ABLIM2: variants seen among roughly 807,000 people sequenced by gnomAD.
ABLIM2 encodes the protein actin binding LIM protein family member 2.
In ABLIM2, 53 loss-of-function variants were observed where a neutral mutation model predicts 97.7. The ratio of observed to expected loss-of-function variants is 0.54; its 90% confidence interval spans 0.44 to 0.68. The LOEUF (loss-of-function observed/expected upper bound fraction) is 0.68. Among genes scored for constraint, ABLIM2 ranks in the 30% least tolerant of loss-of-function variants. ABLIM2 has a pLI of 0.00. For missense variants in ABLIM2, 835 were observed against 867.2 expected (o/e 0.96, Z 0.47); for synonymous variants, 361 against 345.8 (o/e 1.04, Z -0.49).
At chr4:8,093,313 T>C (rs1358791274) in intron 3 of ABLIM2, among the ~76,000 whole-genome samples, 4 of 152,260 alleles carry the variant, frequency 2.6e-5, no homozygotes, top group African/African-American at 9.6e-5. Flanking sequence ...TGCCAGCTGA[T>C]GGCTTGCTTT....
chr4:8,107,967 C>T (rs765029974), intron 1 of ABLIM2, among the ~76,000 whole-genome samples: 2 of 152,158 alleles, frequency 1.3e-5, no homozygotes, highest in Non-Finnish European at 2.9e-5. Context: ...AATGTGGGAG[C>T]CTTGGGAACT....
At position 8,001,803 on chromosome 4, in the gene ABLIM2, C is replaced by A. The variant is rs1274729025; in HGVS notation, c.1618+6256G>T. Among the ~76,000 whole-genome samples, 1 of 152,154 alleles carries A rather than the reference C, an allele frequency of 6.6e-6. No homozygotes were observed. Among genetic ancestry groups the A allele is most frequent in the Non-Finnish European group, 1.5e-5 (1 of 68,020 alleles). On this transcript the variant is annotated intron_variant, in intron 16 of 20. Transcript: ENST00000447017. The surrounding 1 kb of genome is among the most constrained non-coding windows in gnomAD (Gnocchi z 4.2). ...TGCTGGCTGCCCCCTTCCCCACTTC[C>A]CTGGCCCACTTCCTCTCCTGGCTTT...
chr4:8,080,574 G>C (rs1174045995), intron 5 of ABLIM2, 102 bp downstream of exon 5: 21 of 1,312,566 alleles, frequency 1.6e-5, no homozygotes, highest in Non-Finnish European at 2.0e-5. Context: ...GAATAGGAGA[G>C]ACACAGAGAG....
chr4:8,106,472 C>T (rs772016291), intron 2 of ABLIM2, 22 bp downstream of exon 2: 53 of 1,581,198 alleles, frequency 3.4e-5, no homozygotes, highest in Non-Finnish European at 4.3e-5. Context: ...GGCCACACTG[C>T]AGGGGACCGG....
intron 2 of ABLIM2, among the ~76,000 whole-genome samples, chr4:8,099,981 C>G (rs1413668836): frequency 6.6e-6 from 1 of 152,170 alleles, no homozygotes; most frequent in African/African-American, 2.4e-5. Flanking sequence ...TGCAATTTAT[C>G]AAACTAGCAC....
At position 7,992,355 on chromosome 4, in the gene ABLIM2, G is replaced by T. The variant is rs1462599135; in HGVS notation, c.1680+511C>A. Reference sequence around the variant, plus strand: ...GGGCAGCCAAAGAGCCTGACTTCAAGTTAATCCAATCTCCGTGCAGCCTCA... The same window carrying T: ...GGGCAGCCAAAGAGCCTGACTTCAATTTAATCCAATCTCCGTGCAGCCTCA... On this transcript the variant is annotated intron_variant, in intron 17 of 20. Coordinates refer to ENST00000447017, the MANE Select transcript of ABLIM2 (RefSeq NM_001130083.2). This position sits in a 1 kb window ranked among gnomAD's most constrained non-coding sequence, Gnocchi z 5.7. Among the ~76,000 whole-genome samples the T allele has an allele frequency of 6.6e-6, 1 of 152,168 alleles. No homozygotes were observed. The highest frequency in any genetic ancestry group is 1.5e-5 in the Non-Finnish European group (1 of 68,026).
rs1782451397 is a variant in ABLIM2 at position 8,033,713 on chromosome 4, G to T, written c.1047+2436C>A. On this transcript the variant is annotated intron_variant, in intron 10 of 20. Transcript: ENST00000447017. This position sits in a 1 kb window ranked among gnomAD's most constrained non-coding sequence, Gnocchi z 4.5. ...TCTCTGCCCTCTGGGGACAGGTCCT[G>T]GGGTCAGGATCATCCATGGTTCACA... 6.6e-6 allele frequency among the ~76,000 whole-genome samples: 1 copy of T among 152,228 alleles called. No homozygotes were observed. The highest frequency in any genetic ancestry group is 2.1e-4 in the South Asian group (1 of 4,826).
Position 8,022,073 on chromosome 4 carries a change from G to A in ABLIM2, c.1268-1770C>T, listed in dbSNP as rs1052721776. Among the ~76,000 whole-genome samples the A allele has an allele frequency of 2.0e-5, 3 of 152,168 alleles. No homozygotes were observed. Among genetic ancestry groups the A allele is most frequent in the Admixed American group, 6.5e-5 (1 of 15,278 alleles). ...AAGGACACCGCGGATCCCTCCTACC[G>A]ACTACGGCTGTGCTGGACCCATCCC... On this transcript the variant is annotated intron_variant, in intron 12 of 20. Coordinates refer to ENST00000447017, the MANE Select transcript of ABLIM2 (RefSeq NM_001130083.2). The surrounding 1 kb of genome is among the most constrained non-coding windows in gnomAD (Gnocchi z 7.8).
rs1015239064 is a variant in ABLIM2, at chr4:7,970,530, G to T, written c.1825-3427C>A. Among the ~76,000 whole-genome samples the T allele has an allele frequency of 5.3e-5, 8 of 151,934 alleles. No individual in the cohort carries two copies. Among genetic ancestry groups the T allele is most frequent in the African/African-American group, 1.9e-4 (8 of 41,484 alleles). On this transcript the variant is annotated intron_variant, in intron 20 of 20. Coordinates refer to ENST00000447017, the MANE Select transcript of ABLIM2 (RefSeq NM_001130083.2). This position sits in a 1 kb window ranked among gnomAD's most constrained non-coding sequence, Gnocchi z 5.3. ...CCCCGCATGCTGGGGAAGGAGAGAA[G>T]GGCAGGCTTGAGGATGACACCATGT...
At chr4:8,107,821 G>A (rs559916421) in intron 1 of ABLIM2, among the ~76,000 whole-genome samples, 1 of 152,290 alleles carries the variant, frequency 6.6e-6, no homozygotes, top group African/African-American at 2.4e-5. Flanking sequence ...GTCTAGCTGA[G>A]CCCAACATCA....
rs536121130 is a variant in ABLIM2, at chr4:8,084,053, C to T, written c.455-3251G>A. On this transcript the variant is annotated intron_variant, in intron 4 of 20. Transcript: ENST00000447017. ...GGGGGTCAGGGGAGTAGGGGGGAGT[C>T]TCAGATTCTAGATCAAATCTGAGAC... is the stretch of plus-strand genomic sequence containing the variant. Among the ~76,000 whole-genome samples the T allele has an allele frequency of 3.9e-3, 587 of 152,164 alleles. 2 individuals carry two copies. The highest frequency in any genetic ancestry group is 6.1e-3 in the Non-Finnish European group (418 of 68,002).
In ABLIM2 at chr4:8,004,241, G is replaced by C. The variant is rs1251888277; in HGVS notation, c.1618+3818C>G. ...TCCCACCAGACATGGGACTCCGCCCGGTCCCACAGCGAGAGGACACACAGA... is the reference window on the plus strand; with the variant it reads ...TCCCACCAGACATGGGACTCCGCCCCGTCCCACAGCGAGAGGACACACAGA... On this transcript the variant is annotated intron_variant, in intron 16 of 20. Transcript: ENST00000447017. The surrounding 1 kb of genome is among the most constrained non-coding windows in gnomAD (Gnocchi z 5.9). Among the ~76,000 whole-genome samples the C allele has an allele frequency of 6.6e-6, 1 of 151,866 alleles. No individual in the cohort carries two copies. Among genetic ancestry groups the C allele is most frequent in the Non-Finnish European group, 1.5e-5 (1 of 68,002 alleles).
chr4:7,995,657 G>A (rs1283419897), intron 16 of ABLIM2, among the ~76,000 whole-genome samples: 1 of 152,200 alleles, frequency 6.6e-6, no homozygotes, highest in African/African-American at 2.4e-5. Flanking sequence ...GGTTCCACAT[G>A]GGGGTCAGGA....
intron 20 of ABLIM2, among the ~76,000 whole-genome samples, chr4:7,976,618 T>C (rs1203089507): frequency 6.6e-6 from 1 of 152,122 alleles, no homozygotes; most frequent in Admixed American, 6.5e-5. Flanking sequence ...GGTACTTTGT[T>C]GTTCCTGGAA....
intron 3 of ABLIM2, among the ~76,000 whole-genome samples, chr4:8,090,698 G>C (rs1415041223): frequency 6.6e-6 from 1 of 152,074 alleles, no homozygotes; most frequent in Non-Finnish European, 1.5e-5. Context: ...CCGTGCATTA[G>C]ATTTGTCTTT....
chr4:8,037,187 G>T lies in ABLIM2; in HGVS notation c.901-892C>A, dbSNP rs996502337. On this transcript the variant is annotated intron_variant, in intron 9 of 20. Coordinates refer to ENST00000447017, the MANE Select transcript of ABLIM2 (RefSeq NM_001130083.2). Reference sequence around the variant, plus strand: ...GTTTGCTATTTTTATTGTTTTTTAAGAATATTTTCAATCTGAGGTTGGTTG... The same window carrying T: ...GTTTGCTATTTTTATTGTTTTTTAATAATATTTTCAATCTGAGGTTGGTTG... Among the ~76,000 whole-genome samples, 3 of 151,968 alleles carry T rather than the reference G, an allele frequency of 2.0e-5. No homozygotes were observed. The East Asian group carries it at 5.8e-4, about 29-fold the overall frequency.
rs1755415340 is a variant in ABLIM2 at position 7,999,154 on chromosome 4, G to T, written c.1619-6227C>A. ...GATCTTGGCTCACTGCAACCTCCTGGGTTCAAGCGATTCTCCTGCCTCAGC... is the reference window on the plus strand; with the variant it reads ...GATCTTGGCTCACTGCAACCTCCTGTGTTCAAGCGATTCTCCTGCCTCAGC... On this transcript the variant is annotated intron_variant, in intron 16 of 20. Coordinates refer to ENST00000447017, the MANE Select transcript of ABLIM2 (RefSeq NM_001130083.2). The surrounding 1 kb of genome is among the most constrained non-coding windows in gnomAD (Gnocchi z 4.4). Among the ~76,000 whole-genome samples the T allele has an allele frequency of 6.6e-6, 1 of 152,118 alleles. No individual in the cohort carries two copies. The highest frequency in any genetic ancestry group is 1.5e-5 in the Non-Finnish European group (1 of 68,002).
intron 16 of ABLIM2, 146 bp downstream of exon 16, chr4:8,007,913 G>C: frequency 6.8e-7 from 1 of 1,464,930 alleles, no homozygotes; most frequent in East Asian, 2.3e-5. Flanking sequence ...ATTTCCTTCC[G>C]GTCGGTCCTT....
At chr4:8,052,569 C>T (rs568534102) in intron 8 of ABLIM2, among the ~76,000 whole-genome samples, 4 of 152,238 alleles carry the variant, frequency 2.6e-5, no homozygotes, top group Admixed American at 6.5e-5. Flanking sequence ...GACCCCCTCC[C>T]CTGCCAAAAG....
Sources: allele counts gnomAD v4.1 joint callset (sites outside exome capture counted in the v4.1 genomes callset), GRCh38; gene constraint gnomAD v4.1.1; non-coding constraint Gnocchi (gnomAD v3.1); transcripts MANE v1.5; gene names NCBI Gene and HGNC (gene_info 2026-07-23, HGNC 2026-07-21).